The following NRXN3 variants were observed in gnomAD, a reference collection of about 807,000 sequenced individuals.
The protein encoded by NRXN3 is neurexin III.
A neutral mutation model predicts 137.6 loss-of-function variants in NRXN3; 32 were observed. The observed-to-expected ratio is 0.23, with a 90% CI of 0.18 to 0.31. NRXN3 has a LOEUF of 0.31. Among genes scored for constraint, NRXN3 ranks in the 10% least tolerant of loss-of-function variants. The pLI is 1.00. For missense variants in NRXN3, 1,574 were observed against 2,062.5 expected (o/e 0.76, Z 4.59); for synonymous variants, 798 against 784.5 (o/e 1.02, Z -0.29).
rs1280139944 is a variant in NRXN3 at position 78,355,033 on chromosome 14, T to C, written c.757+57173T>C. ...GTAAGAAGAAAGAGGCTGCAGCCCC[T>C]ACGTATGTGTGAACCCTCCCCACCT... On this transcript the variant is annotated intron_variant, in intron 4 of 20. Coordinates refer to ENST00000335750, the MANE Select transcript of NRXN3 (RefSeq NM_001330195.2). Among the ~76,000 whole-genome samples, 7 of 152,204 alleles carry C rather than the reference T, an allele frequency of 4.6e-5. No individual in the cohort carries two copies. The East Asian group carries it at 1.4e-3, about 29-fold the overall frequency.
chr14:79,096,866 C>A (rs1016687060), intron 15 of NRXN3, among the ~76,000 whole-genome samples: 1 of 152,104 alleles, frequency 6.6e-6, no homozygotes, highest in Admixed American at 6.5e-5. Context: ...CTCATGTCGA[C>A]CCCATTCTGC....
Position 79,486,955 on chromosome 14 carries a change from CTCT to C in NRXN3, c.3444+19554_3444+19556del, listed in dbSNP as rs1350580693. Among the ~76,000 whole-genome samples the C allele has an allele frequency of 9.0e-4, 135 of 149,878 alleles. 1 individual carries two copies. The highest frequency in any genetic ancestry group is 2.8e-3 in the African/African-American group (115 of 40,360). On this transcript the variant is annotated intron_variant, in intron 16 of 20. Coordinates refer to ENST00000335750, the MANE Select transcript of NRXN3 (RefSeq NM_001330195.2). ...TCTCTCTCTCTCTCTCTCTCTCTCT[CTCT>C]CTCCCACACACACACACCCCAAGAT...
In NRXN3 at chr14:79,423,023, C is replaced by T. The variant is rs564326388; in HGVS notation, c.3263-44198C>T. ...TAGTCACACATTCTTAAAGATGTTT[C>T]AGCTTTTGATTTTTAAACAGAATGG... On this transcript the variant is annotated intron_variant, in intron 15 of 20. Coordinates refer to ENST00000335750, the MANE Select transcript of NRXN3 (RefSeq NM_001330195.2). 7.9e-5 allele frequency among the ~76,000 whole-genome samples: 12 copies of T among 152,194 alleles called. No homozygotes were observed. In the East Asian group the frequency reaches 1.5e-3, roughly 20 times the overall value.
chr14:79,470,666 G>A (rs936224799), intron 16 of NRXN3, among the ~76,000 whole-genome samples: 5 of 152,080 alleles, frequency 3.3e-5, no homozygotes, highest in African/African-American at 1.2e-4. Flanking sequence ...AAGAGGACAG[G>A]GCTCTGCCTA....
At chr14:79,580,170 T>C (rs1754711076) in intron 16 of NRXN3, among the ~76,000 whole-genome samples, 1 of 152,238 alleles carries the variant, frequency 6.6e-6, no homozygotes. Context: ...TCACATATTT[T>C]CCTTATCCTT....
intron 4 of NRXN3, among the ~76,000 whole-genome samples, chr14:78,521,661 A>G (rs2153802034): frequency 6.6e-6 from 1 of 152,292 alleles, no homozygotes; most frequent in Non-Finnish European, 1.5e-5. Context: ...GATGAATGAT[A>G]TATCTTTACA....
At chr14:79,732,985 G>A (rs994787134) in intron 19 of NRXN3, among the ~76,000 whole-genome samples, 1 of 152,088 alleles carries the variant, frequency 6.6e-6, no homozygotes, top group Admixed American at 6.6e-5. Context: ...AGCAAGATAA[G>A]CTGTTAAATA....
chr14:78,903,607 G>T (rs183266909), intron 10 of NRXN3, among the ~76,000 whole-genome samples: 1 of 152,144 alleles, frequency 6.6e-6, no homozygotes, highest in East Asian at 1.9e-4. Flanking sequence ...CGCTGAAAAA[G>T]TAGCTTTTTA....
At chr14:78,972,648 T>A (rs1286130792) in intron 14 of NRXN3, among the ~76,000 whole-genome samples, 3 of 152,200 alleles carry the variant, frequency 2.0e-5, no homozygotes. Flanking sequence ...TGCCCTGCTC[T>A]GCTGACTTGG....
intron 4 of NRXN3, among the ~76,000 whole-genome samples, chr14:78,507,720 G>A (rs1376472560): frequency 1.3e-5 from 2 of 152,120 alleles, no homozygotes; most frequent in South Asian, 4.1e-4. Flanking sequence ...TAAGATGTGT[G>A]TATATTGATT....
chr14:78,541,169 G>A (rs1390595145), intron 4 of NRXN3, among the ~76,000 whole-genome samples: 1 of 152,142 alleles, frequency 6.6e-6, no homozygotes, highest in Non-Finnish European at 1.5e-5. Flanking sequence ...GGCCTGCCTT[G>A]CTAGGTTGGG....
At chr14:78,957,181 C>T in intron 10 of NRXN3, 61 bp from the exon 11 acceptor site, 1 of 1,590,010 alleles carries the variant, frequency 6.3e-7, no homozygotes, top group Non-Finnish European at 8.6e-7. Flanking sequence ...TTTGACAACC[C>T]TGATGCATGA....
At chr14:79,103,366 C>T (rs78283011) in intron 15 of NRXN3, among the ~76,000 whole-genome samples, 2,984 of 152,244 alleles carry the variant, frequency 0.02, 49 homozygotes, top group Middle Eastern at 0.041. Flanking sequence ...AGTGCAATGA[C>T]TGTAAGGTTC....
At chr14:79,327,501 G>A (rs965216863) in intron 15 of NRXN3, among the ~76,000 whole-genome samples, 12 of 152,186 alleles carry the variant, frequency 7.9e-5, no homozygotes, top group Admixed American at 6.5e-4. Context: ...TAAGGGGAGG[G>A]CCCATTTGAA....
intron 3 of NRXN3, among the ~76,000 whole-genome samples, chr14:78,296,489 C>A (rs1049004294): frequency 6.6e-6 from 1 of 152,192 alleles, no homozygotes; most frequent in African/African-American, 2.4e-5. Flanking sequence ...CTTTTCTCCT[C>A]TCTTCTTACT....
chr14:78,539,705 G>A (rs939995806), intron 4 of NRXN3, among the ~76,000 whole-genome samples: 2 of 152,070 alleles, frequency 1.3e-5, no homozygotes, highest in African/African-American at 2.4e-5. Context: ...TAATGTTAGG[G>A]TGTCGATTAT....
intron 19 of NRXN3, among the ~76,000 whole-genome samples, chr14:79,789,949 G>A (rs2099140012): frequency 6.6e-6 from 1 of 152,140 alleles, no homozygotes; most frequent in Non-Finnish European, 1.5e-5. Context: ...ATGACCCTGA[G>A]AGTTTGGGCT....
chr14:79,798,041 C>T (rs1189566461), intron 19 of NRXN3, among the ~76,000 whole-genome samples: 1 of 151,320 alleles, frequency 6.6e-6, no homozygotes, highest in Non-Finnish European at 1.5e-5. Context: ...GTCAAGGCTG[C>T]AGTGAGCCAT....
At chr14:79,274,101 C>CAAA (rs569693397) in intron 15 of NRXN3, among the ~76,000 whole-genome samples, 1,424 of 74,210 alleles carry the variant, frequency 0.019, 42 homozygotes, top group African/African-American at 0.064. Context: ...GACTCCGTCT[C>CAAA]AAAAAAAAAA....
Sources: gnomAD v4.1 joint callset for allele counts (sites outside exome capture counted in the v4.1 genomes callset) on GRCh38, gnomAD v4.1.1 for gene constraint, MANE v1.5 for transcripts, NCBI Gene and HGNC (gene_info 2026-07-23, HGNC 2026-07-21) for gene names.